The following LIPA variants were observed in gnomAD, a reference collection of about 807,000 sequenced individuals.
The protein encoded by LIPA is lysosomal acid lipase/cholesteryl ester hydrolase.
A neutral mutation model predicts 40.6 loss-of-function variants in LIPA; 26 were observed. That is an observed-to-expected ratio of 0.64 (90% CI 0.47 to 0.89). The LOEUF (loss-of-function observed/expected upper bound fraction) is 0.89. LIPA is among the 40% of genes least tolerant of loss of function. LIPA has a pLI of 0.00. For synonymous variants in LIPA, 188 were observed against 168.4 expected (o/e 1.12, Z -0.90); for missense variants, 455 against 479.6 (o/e 0.95, Z 0.48).
intron 3 of LIPA, among the ~76,000 whole-genome samples, chr10:89,242,356 T>C (rs1375677330): frequency 6.6e-6 from 1 of 152,208 alleles, no homozygotes; most frequent in African/African-American, 2.4e-5. Flanking sequence ...TAAGGAACAG[T>C]GTGTATCTTC....
intron 1 of LIPA, among the ~76,000 whole-genome samples, chr10:89,250,259 C>G (rs767137736): frequency 3.3e-5 from 5 of 151,976 alleles, no homozygotes; most frequent in Non-Finnish European, 5.9e-5. Context: ...ACCACCACGC[C>G]TGGCTAATTT....
chr10:89,386,348 T>C (rs1464689542), intron 2 of LIPA, among the ~76,000 whole-genome samples: 1 of 151,990 alleles, frequency 6.6e-6, no homozygotes, highest in African/African-American at 2.4e-5. Flanking sequence ...GGCAGGGGAG[T>C]GGAGTCATTT....
At chr10:89,325,025 A>G (rs182455793) in intron 1 of LIPA, among the ~76,000 whole-genome samples, 235 of 152,364 alleles carry the variant, frequency 1.5e-3, no homozygotes, top group African/African-American at 5.5e-3. Flanking sequence ...CACATTGTGC[A>G]CATGTACCCA....
chr10:89,353,021 G>A (rs965019045), intron 2 of LIPA, among the ~76,000 whole-genome samples: 70 of 152,056 alleles, frequency 4.6e-4, no homozygotes, highest in Admixed American at 3.9e-3. Context: ...TAAAACTGCC[G>A]ATTCACTGAG....
At chr10:89,220,987 G>C (rs140932853) in intron 8 of LIPA, among the ~76,000 whole-genome samples, 1 of 152,002 alleles carries the variant, frequency 6.6e-6, no homozygotes, top group African/African-American at 2.4e-5. Flanking sequence ...CTGCATGACT[G>C]TTCTCATGCA....
rs778431951 is a variant in LIPA at position 89,383,514 on chromosome 10, G to A, written c.61+29277C>T. 1.1e-5 allele frequency: 18 copies of A among 1,614,086 alleles called. No homozygotes were observed. In the African/African-American group the frequency reaches 2.3e-4, roughly 20 times the overall value. On this transcript the variant is annotated intron_variant, in intron 2 of 8. Transcript: ENST00000371837. ...CCTATGTGAAACACCTGAAAGGCCA[G>A]AATGAGGAAGCCCTGGTCAGCTTGA...
chr10:89,314,847 A>G (rs1843534054), intron 1 of LIPA, among the ~76,000 whole-genome samples: 1 of 152,232 alleles, frequency 6.6e-6, no homozygotes, highest in Non-Finnish European at 1.5e-5. Flanking sequence ...TATTCATTAC[A>G]TAAGAATCTA....
At chr10:89,412,816 C>T (rs1430787178) in exon 2 of LIPA, 7 of 408,286 alleles carry the variant, frequency 1.7e-5, no homozygotes, top group East Asian at 9.0e-5. Context: ...CCAGACACAT[C>T]TGAACATCGA....
chr10:89,326,463 G>A (rs1284727197), intron 1 of LIPA, among the ~76,000 whole-genome samples: 1 of 152,124 alleles, frequency 6.6e-6, no homozygotes, highest in Non-Finnish European at 1.5e-5. Flanking sequence ...GGGGGAAGTG[G>A]GGATGGTTAA....
chr10:89,229,607 G>A (rs1324306094), intron 3 of LIPA, among the ~76,000 whole-genome samples: 2 of 152,122 alleles, frequency 1.3e-5, no homozygotes, highest in Non-Finnish European at 2.9e-5. Context: ...AAAAAAGGTA[G>A]CTGGGTGTGG....
chr10:89,409,556 T>G (rs564773394), intron 2 of LIPA, among the ~76,000 whole-genome samples: 18 of 152,236 alleles, frequency 1.2e-4, no homozygotes, highest in Non-Finnish European at 2.5e-4. Context: ...ACAACAGGAC[T>G]GAGGGTGCCT....
intron 2 of LIPA, among the ~76,000 whole-genome samples, chr10:89,353,956 T>A (rs1639867737): frequency 6.6e-6 from 1 of 151,800 alleles, no homozygotes; most frequent in Non-Finnish European, 1.5e-5. Flanking sequence ...AAAAAAAGAA[T>A]ATAAAGTGCA....
In LIPA at chr10:89,305,820, C is replaced by A. The variant is rs532578301; in HGVS notation, c.-2+36791G>T. 31 of 649,730 alleles carry A rather than the reference C, an allele frequency of 4.8e-5. 1 individual carries two copies. In the African/African-American group the frequency reaches 5.6e-4, roughly 12 times the overall value. 40.2% of individuals were successfully genotyped at this position (649,730 alleles called of 1,614,324 possible). ...TGCAGGAATTAACAATAAGGAAAAA[C>A]ATATTATAGAAAGAAAAGAAGGGGA... On this transcript the variant is annotated intron_variant, in intron 1 of 5. Coordinates refer to the LIPA transcript ENST00000282673.
intron 3 of LIPA, among the ~76,000 whole-genome samples, chr10:89,234,219 G>A (rs534689308): frequency 1.1e-4 from 16 of 152,342 alleles, no homozygotes; most frequent in African/African-American, 3.8e-4. Context: ...GGACCAGTGT[G>A]CACATGAAAG....
chr10:89,217,583 G>T (rs150911070), intron 8 of LIPA, among the ~76,000 whole-genome samples: 107 of 152,304 alleles, frequency 7.0e-4, no homozygotes, highest in African/African-American at 2.5e-3. Flanking sequence ...AGCTCAGACT[G>T]AAGTTCTAAA....
chr10:89,306,453 A>T, intron 1 of LIPA: 1 of 1,614,122 alleles, frequency 6.2e-7, no homozygotes, highest in South Asian at 1.1e-5. Context: ...AAGGCTCTGG[A>T]AAAGAAGCCA....
chr10:89,321,011 C>A (rs1843568837), intron 1 of LIPA, among the ~76,000 whole-genome samples: 2 of 151,842 alleles, frequency 1.3e-5, no homozygotes, highest in Non-Finnish European at 2.9e-5. Flanking sequence ...AACTGGCTAG[C>A]CATATGTAGA....
At chr10:89,392,680 C>G (rs2133612037) in intron 2 of LIPA, 1 of 1,613,712 alleles carries the variant, frequency 6.2e-7, no homozygotes, top group South Asian at 1.1e-5. Flanking sequence ...CTAAGCAAAA[C>G]CCTGCAGAAC....
chr10:89,333,601 G>A (rs1477743181), intron 1 of LIPA, among the ~76,000 whole-genome samples: 1 of 152,226 alleles, frequency 6.6e-6, no homozygotes, highest in Non-Finnish European at 1.5e-5. Flanking sequence ...TTGGGAGGCT[G>A]AGGCAAGAGG....
Sources: allele counts gnomAD v4.1 joint callset (sites outside exome capture counted in the v4.1 genomes callset), GRCh38; gene constraint gnomAD v4.1.1; transcripts MANE v1.5; gene names NCBI Gene and HGNC (gene_info 2026-07-23, HGNC 2026-07-21).